The following KLRG1 variants were observed in gnomAD, a reference collection of about 807,000 sequenced individuals.
The protein encoded by KLRG1 is killer cell lectin like receptor G1.
A neutral mutation model predicts 21.8 loss-of-function variants in KLRG1; 16 were observed. The ratio of observed to expected loss-of-function variants is 0.73; its 90% CI spans 0.50 to 1.11. The LOEUF is 1.11. Among genes scored for constraint, KLRG1 ranks in the 50% most tolerant of loss-of-function variants. The probability of loss-of-function intolerance (pLI) is 0.00; values close to 1 mark genes in which losing one functional copy is unlikely to be tolerated. For synonymous variants in KLRG1, 69 were observed against 75.9 expected, an observed-to-expected ratio of 0.91 and a Z score of 0.47; for missense variants, 173 against 218.3, an observed-to-expected ratio of 0.79 and a Z score of 1.31.
the KLRG1 span, chr12:9,153,407 A>G: frequency 7.1e-7 from 1 of 1,406,984 alleles, no homozygotes; most frequent in Non-Finnish European, 1.0e-6. Context: ...ATTTTCCCCC[A>G]AAGTCTGTGT....
the KLRG1 span, among the ~76,000 whole-genome samples, chr12:9,212,193 G>T: frequency 9.2e-5 from 14 of 152,126 alleles, no homozygotes; most frequent in African/African-American, 3.4e-4. Flanking sequence ...CTGCCTCTGG[G>T]TTCATGAATG....
the KLRG1 span, among the ~76,000 whole-genome samples, chr12:9,148,625 C>T: frequency 0.01 from 1,525 of 152,206 alleles, 26 homozygotes; most frequent in African/African-American, 0.035. Context: ...TATATTACCA[C>T]GTTTATATTA....
the KLRG1 span, chr12:9,170,040 A>G: frequency 6.6e-6 from 1 of 152,650 alleles, no homozygotes; most frequent in Non-Finnish European, 1.5e-5. The surrounding 1 kb of genome is among the most constrained non-coding windows in gnomAD (Gnocchi z 4.6). Flanking sequence ...TGCGGTCTGC[A>G]GCACTTACGG....
chr12:8,950,569 CT>C (rs1172076657), intron 1 of KLRG1, among the ~76,000 whole-genome samples: 1 of 152,162 alleles, frequency 6.6e-6, no homozygotes, highest in Non-Finnish European at 1.5e-5. Flanking sequence ...TTGTACCTGG[CT>C]TTAGCATGTT....
At chr12:9,050,523 C>T in the KLRG1 span, among the ~76,000 whole-genome samples, 1 of 152,176 alleles carries the variant, frequency 6.6e-6, no homozygotes, top group Non-Finnish European at 1.5e-5. Flanking sequence ...AGCTGCAGAC[C>T]CAGGCTTCCT....
the KLRG1 span, among the ~76,000 whole-genome samples, chr12:9,207,383 G>C: frequency 1.3e-5 from 2 of 152,188 alleles, no homozygotes; most frequent in Admixed American, 1.3e-4. Context: ...AAATGTAAAG[G>C]CAGCTGGGTT....
Position 9,009,237 on chromosome 12 carries a change from C to CAAAAAA in KLRG1, c.458+174_459-172dup, listed in dbSNP as rs112576720. Among the ~76,000 whole-genome samples the CAAAAAA allele has an allele frequency of 1.6e-3, 174 of 107,852 alleles. 1 individual carries two copies. Among genetic ancestry groups the CAAAAAA allele is most frequent in the African/African-American group, 5.6e-3 (162 of 28,740 alleles). The allele number at this position is 107,852 out of a possible 152,430, so 70.8% of individuals were successfully genotyped here. A position where few individuals can be genotyped will look rare whatever the true frequency, so the allele number is the denominator to read the frequency against. ...GAAGGGAATGAACAATGGGTAAGGGCAAAAAAAAAAAAAAAAAGGATAACA... is the reference window on the plus strand; with the variant it reads ...GAAGGGAATGAACAATGGGTAAGGGCAAAAAAAAAAAAAAAAAAAAAAAGGATAACA... On this transcript the variant is annotated intron_variant, in intron 4 of 4. Transcript: ENST00000356986.
At chr12:9,104,740 T>TA in the KLRG1 span, among the ~76,000 whole-genome samples, 1 of 152,212 alleles carries the variant, frequency 6.6e-6, no homozygotes, top group African/African-American at 2.4e-5. Context: ...TGTGTATTAT[T>TA]ATATATAACT....
At chr12:9,144,060 A>G in the KLRG1 span, among the ~76,000 whole-genome samples, 1 of 152,274 alleles carries the variant, frequency 6.6e-6, no homozygotes, top group African/African-American at 2.4e-5. Flanking sequence ...GTACCATGAG[A>G]AAGTCAGGGG....
chr12:9,213,162 G>T, the KLRG1 span, among the ~76,000 whole-genome samples: 2 of 152,088 alleles, frequency 1.3e-5, no homozygotes, highest in Non-Finnish European at 2.9e-5. Flanking sequence ...CTTTACATGA[G>T]TGAACGATAT....
At chr12:9,141,115 T>A in the KLRG1 span, among the ~76,000 whole-genome samples, 2 of 152,146 alleles carry the variant, frequency 1.3e-5, no homozygotes. Context: ...GACAAGAATA[T>A]CTGTTACCTT....
At chr12:9,136,074 A>G in the KLRG1 span, among the ~76,000 whole-genome samples, 1 of 152,362 alleles carries the variant, frequency 6.6e-6, no homozygotes, top group African/African-American at 2.4e-5. Context: ...ATGTACATAA[A>G]GACAAGCTAG....
the KLRG1 span, chr12:9,159,878 G>T: frequency 1.4e-6 from 2 of 1,398,896 alleles, no homozygotes; most frequent in Non-Finnish European, 2.0e-6. Flanking sequence ...ACTAAGACAG[G>T]TAATCTATGT....
At chr12:9,152,174 A>G in the KLRG1 span, 15 of 1,339,730 alleles carry the variant, frequency 1.1e-5, no homozygotes, top group Non-Finnish European at 1.6e-5. Flanking sequence ...TTGGGGATAC[A>G]GAACATACTT....
At chr12:9,036,168 G>A in the KLRG1 span, among the ~76,000 whole-genome samples, 1 of 152,176 alleles carries the variant, frequency 6.6e-6, no homozygotes, top group Admixed American at 6.5e-5. Context: ...AAAGGAAAAA[G>A]TTTATTAAGT....
At chr12:9,130,089 C>T in the KLRG1 span, among the ~76,000 whole-genome samples, 1 of 152,128 alleles carries the variant, frequency 6.6e-6, no homozygotes, top group African/African-American at 2.4e-5. Context: ...TTGTGACTAG[C>T]TTATTTTACT....
chr12:8,976,940 G>A (rs370698443), intron 1 of KLRG1, among the ~76,000 whole-genome samples: 2 of 151,726 alleles, frequency 1.3e-5, no homozygotes, highest in African/African-American at 2.4e-5. Flanking sequence ...TAGTAGAAAC[G>A]GGGTTTCACC....
chr12:9,044,222 T>C, the KLRG1 span, among the ~76,000 whole-genome samples: 2 of 151,692 alleles, frequency 1.3e-5, no homozygotes, highest in South Asian at 2.1e-4. Flanking sequence ...ATTGATGAAA[T>C]AGAAAAAAAG....
the KLRG1 span, among the ~76,000 whole-genome samples, chr12:9,177,225 G>C: frequency 6.6e-6 from 1 of 152,208 alleles, no homozygotes; most frequent in Non-Finnish European, 1.5e-5. Flanking sequence ...TAGCACTCTT[G>C]GAACGCATTA....
Sources: gnomAD v4.1 joint callset for allele counts (sites outside exome capture counted in the v4.1 genomes callset) on GRCh38, gnomAD v4.1.1 for gene constraint, Gnocchi (gnomAD v3.1) non-coding constraint, MANE v1.5 for transcripts, NCBI Gene and HGNC (gene_info 2026-07-23, HGNC 2026-07-21) for gene names.